The following CELF2 variants were observed in gnomAD, a reference collection of about 807,000 sequenced individuals.
CELF2 encodes CUGBP Elav-like family member 2.
CELF2 carries 8 observed loss-of-function variants against 62.6 expected under a neutral mutation model. The ratio of observed to expected loss-of-function variants is 0.13; its 90% CI spans 0.07 to 0.23. CELF2 has a LOEUF of 0.23. Among genes scored for constraint, CELF2 ranks in the 10% least tolerant of loss-of-function variants. The probability of loss-of-function intolerance (pLI) is 1.00; values close to 1 mark genes in which losing one functional copy is unlikely to be tolerated. For missense variants in CELF2, 333 were observed against 671.0 expected (o/e 0.50, Z 5.56); for synonymous variants, 258 against 250.0 (o/e 1.03, Z -0.30).
the CELF2 span, among the ~76,000 whole-genome samples, chr10:10,486,834 A>G: frequency 6.6e-6 from 1 of 152,170 alleles, no homozygotes; most frequent in Non-Finnish European, 1.5e-5. Flanking sequence ...CATGTGTTAA[A>G]AGCAGAAGGA....
intron 2 of CELF2, among the ~76,000 whole-genome samples, chr10:10,991,960 G>A (rs1044185388): frequency 3.9e-5 from 6 of 151,944 alleles, no homozygotes; most frequent in South Asian, 2.1e-4. Context: ...TATTTTTTAC[G>A]CTATTATGCA....
chr10:10,776,858 T>G, the CELF2 span, among the ~76,000 whole-genome samples: 1 of 152,248 alleles, frequency 6.6e-6, no homozygotes, highest in South Asian at 2.1e-4. Flanking sequence ...AGCGGCCACT[T>G]GGCTTCCTGC....
At chr10:11,204,327 G>A (rs1485995778) in intron 2 of CELF2, among the ~76,000 whole-genome samples, 1 of 152,242 alleles carries the variant, frequency 6.6e-6, no homozygotes, top group African/African-American at 2.4e-5. Flanking sequence ...TAGGCTAGAA[G>A]TAACTATACC....
intron 3 of CELF2, among the ~76,000 whole-genome samples, chr10:11,222,481 G>A (rs541538785): frequency 1.3e-5 from 2 of 152,274 alleles, no homozygotes; most frequent in Admixed American, 6.5e-5. Context: ...GAAAACAACC[G>A]AAACATCTGT....
In CELF2 at chr10:11,270,058, C is replaced by G. The variant is rs1178787531; in HGVS notation, c.619-608C>G. Among the ~76,000 whole-genome samples, 1 of 152,192 alleles carries G rather than the reference C, an allele frequency of 6.6e-6. No homozygotes were observed. Among genetic ancestry groups the G allele is most frequent in the Non-Finnish European group, 1.5e-5 (1 of 68,028 alleles). On this transcript the variant is annotated intron_variant, in intron 6 of 12. Coordinates refer to ENST00000633077, the MANE Select transcript of CELF2 (RefSeq NM_001326342.2). This position sits in a 1 kb window ranked among gnomAD's most constrained non-coding sequence, Gnocchi z 5.8. ...GCCTCTCTGAAAACGTGAACGGTTA[C>G]TTTGGAGAATGCCTGTGTTCTCTGA... is the stretch of plus-strand genomic sequence containing the variant.
the CELF2 span, among the ~76,000 whole-genome samples, chr10:10,546,181 T>C: frequency 5.9e-5 from 9 of 152,340 alleles, no homozygotes; most frequent in East Asian, 1.7e-3. Context: ...CTCAGTTATC[T>C]GCAATCAACA....
chr10:11,029,896 C>T (rs55711140), intron 1 of CELF2, among the ~76,000 whole-genome samples: 5,536 of 152,248 alleles, frequency 0.036, 136 homozygotes, highest in Admixed American at 0.063. Context: ...AAAAAGTGAC[C>T]AAAATTGGAC....
intron 1 of CELF2, among the ~76,000 whole-genome samples, chr10:10,835,969 G>A (rs1346369075): frequency 1.3e-5 from 2 of 152,118 alleles, no homozygotes; most frequent in African/African-American, 4.8e-5. Context: ...AGATTAGGGG[G>A]TGATTTGAAG....
the CELF2 span, among the ~76,000 whole-genome samples, chr10:10,723,270 T>C: frequency 3.5e-4 from 53 of 152,332 alleles, no homozygotes; most frequent in East Asian, 9.6e-3. Context: ...TCTAGCTGTC[T>C]AAAGTAAACG....
chr10:10,868,306 C>T (rs2060510938), intron 1 of CELF2, among the ~76,000 whole-genome samples: 1 of 152,186 alleles, frequency 6.6e-6, no homozygotes, highest in South Asian at 2.1e-4. Flanking sequence ...GGCTCACACG[C>T]AAAGTTGGAA....
intron 1 of CELF2, among the ~76,000 whole-genome samples, chr10:11,108,721 G>A (rs2054338151): frequency 6.6e-6 from 1 of 152,168 alleles, no homozygotes; most frequent in Non-Finnish European, 1.5e-5. Context: ...TCCACTTGGT[G>A]TTGACTTTCT....
intron 1 of CELF2, among the ~76,000 whole-genome samples, chr10:10,875,776 T>G (rs1185798592): frequency 6.6e-6 from 1 of 152,220 alleles, no homozygotes; most frequent in East Asian, 1.9e-4. Context: ...TCCATCTCCC[T>G]CTTCTGTTGA....
the CELF2 span, among the ~76,000 whole-genome samples, chr10:10,759,321 T>C: frequency 6.8e-6 from 1 of 146,840 alleles, no homozygotes; most frequent in Non-Finnish European, 1.5e-5. Context: ...TTTTTTTTTT[T>C]TTTTTGAGAT....
chr10:11,038,792 A>G (rs2061368578), intron 1 of CELF2, among the ~76,000 whole-genome samples: 1 of 152,208 alleles, frequency 6.6e-6, no homozygotes, highest in Non-Finnish European at 1.5e-5. Context: ...AAACCATTTA[A>G]ATTTCTGGAA....
At chr10:10,700,886 C>T in the CELF2 span, among the ~76,000 whole-genome samples, 1 of 152,184 alleles carries the variant, frequency 6.6e-6, no homozygotes, top group East Asian at 1.9e-4. Flanking sequence ...CTAGTTTCAG[C>T]CAAAGGGCCC....
the CELF2 span, among the ~76,000 whole-genome samples, chr10:10,553,249 A>G: frequency 2.0e-5 from 3 of 152,108 alleles, no homozygotes; most frequent in Non-Finnish European, 1.5e-5. Flanking sequence ...TAACTATCAC[A>G]AGAACAGCAC....
intron 1 of CELF2, among the ~76,000 whole-genome samples, chr10:11,061,200 A>G (rs1248337680): frequency 1.3e-5 from 2 of 152,234 alleles, no homozygotes; most frequent in African/African-American, 2.4e-5. Context: ...TGAACATACA[A>G]GTGATAAAGT....
chr10:10,539,009 T>C, the CELF2 span, among the ~76,000 whole-genome samples: 1 of 152,242 alleles, frequency 6.6e-6, no homozygotes, highest in African/African-American at 2.4e-5. Context: ...CAAAACTTCT[T>C]AGTCGTCAGA....
At chr10:10,541,026 G>C in the CELF2 span, among the ~76,000 whole-genome samples, 1 of 151,820 alleles carries the variant, frequency 6.6e-6, no homozygotes, top group Non-Finnish European at 1.5e-5. Context: ...TGGATCATTT[G>C]AGGTCAGGAG....
Sources: allele counts gnomAD v4.1 joint callset (sites outside exome capture counted in the v4.1 genomes callset), GRCh38; gene constraint gnomAD v4.1.1; non-coding constraint Gnocchi (gnomAD v3.1); transcripts MANE v1.5; gene names NCBI Gene and HGNC (gene_info 2026-07-23, HGNC 2026-07-21).